Variants in FMN2 observed in about 807,000 individuals in gnomAD.
FMN2 encodes the protein formin-2.
Under a neutral mutation model 142.3 loss-of-function variants are expected in FMN2, and 51 were observed. The observed-to-expected ratio is 0.36, with a 90% confidence interval of 0.29 to 0.45. The LOEUF is 0.45. Ranked by LOEUF, FMN2 falls within the 20% of genes least tolerant of loss-of-function variation. FMN2 has a pLI of 1.00. For missense variants in FMN2, 1,936 were observed against 2,122.8 expected (o/e 0.91, Z 1.73); for synonymous variants, 882 against 869.8 (o/e 1.01, Z -0.25).
intron 8 of FMN2, among the ~76,000 whole-genome samples, chr1:240,313,236 T>G (rs868623868): frequency 1.3e-5 from 2 of 152,226 alleles, no homozygotes; most frequent in Admixed American, 6.5e-5. Flanking sequence ...TGCTTCCTTT[T>G]TCTCCCATCC....
chr1:240,328,331 T>C (rs1161231534), intron 8 of FMN2, among the ~76,000 whole-genome samples: 1 of 151,562 alleles, frequency 6.6e-6, no homozygotes, highest in African/African-American at 2.4e-5. Context: ...AAACCTTTAG[T>C]ATCAAATTAC....
intron 2 of FMN2, among the ~76,000 whole-genome samples, chr1:240,141,869 C>T (rs1663199270): frequency 6.6e-6 from 1 of 151,642 alleles, no homozygotes; most frequent in South Asian, 2.1e-4. Flanking sequence ...TGAGGGAAGT[C>T]CTCAGAAGTT....
At chr1:240,218,248 A>G (rs1423732922) in intron 6 of FMN2, among the ~76,000 whole-genome samples, 1 of 126,420 alleles carries the variant, frequency 7.9e-6, no homozygotes, top group African/African-American at 3.1e-5. Flanking sequence ...GCACCATTGC[A>G]CTCCAGCCTG....
At chr1:240,434,525 TG>T (rs1190303200) in intron 15 of FMN2, among the ~76,000 whole-genome samples, 3 of 109,272 alleles carry the variant, frequency 2.7e-5, no homozygotes, top group Non-Finnish European at 7.0e-5. Flanking sequence ...GTTATTTGCT[TG>T]TTTTTTTTTG....
intron 2 of FMN2, among the ~76,000 whole-genome samples, chr1:240,163,490 A>T (rs1558330591): frequency 6.6e-6 from 1 of 152,194 alleles, no homozygotes; most frequent in Non-Finnish European, 1.5e-5. Flanking sequence ...GCTGTAAATC[A>T]TTATCTGTTA....
Position 240,207,081 on chromosome 1 carries a change from C to G in FMN2, c.2269C>G (p.Leu757Val), listed in dbSNP as rs756840968. The G allele has an allele frequency of 1.2e-6, 2 of 1,614,004 alleles. No individual in the cohort carries two copies. Among genetic ancestry groups the G allele is most frequent in the Non-Finnish European group, 1.7e-6 (2 of 1,180,006 alleles). ...CACGGAAGAGGGCGGGGTGCTGACA[C>G]TGCCTCCTGTGGATGGGCTGCCAGG... ...SPTEEGGVLTLPPVDGLPGRP... is the reference protein window; with the variant it reads ...SPTEEGGVLTVPPVDGLPGRP... Residue 757 changes from leucine to valine, a missense_variant, in exon 5 of 18, where the codon CTG (leucine) becomes GTG (valine). By Grantham distance (32) the Leu-to-Val change is conservative. This residue lies in a region of FMN2 where 478 missense variants were observed against 462.8 expected (regional missense o/e 1.03). Transcript: ENST00000319653.
At chr1:240,175,693 C>T (rs1287006951) in intron 2 of FMN2, among the ~76,000 whole-genome samples, 2 of 146,512 alleles carry the variant, frequency 1.4e-5, no homozygotes, top group Admixed American at 6.7e-5. Context: ...GTTGCCCAGG[C>T]TGGTGCTTTA....
At chr1:240,277,773 G>C (rs4659567) in intron 7 of FMN2, among the ~76,000 whole-genome samples, 54,424 of 151,582 alleles carry the variant, frequency 0.36, 10,166 homozygotes, top group East Asian at 0.51. Context: ...GACCTCAAGT[G>C]ATCCGCCCGT....
rs901937040 is a variant in FMN2, at chr1:240,473,396, G to C, written c.5143-732G>C. Among the ~76,000 whole-genome samples the C allele has an allele frequency of 1.3e-5, 2 of 152,146 alleles. No individual in the cohort carries two copies. On this transcript the variant is annotated intron_variant, in intron 17 of 17. Transcript: ENST00000319653. The surrounding 1 kb of genome is among the most constrained non-coding windows in gnomAD (Gnocchi z 4.3). ...TGATACTGAGGATGTTTTGTTGACT[G>C]TTTTGAGGGATTATCACTTGGTACC...
chr1:240,130,842 C>T (rs971493322), intron 2 of FMN2, among the ~76,000 whole-genome samples: 1 of 148,774 alleles, frequency 6.7e-6, no homozygotes, highest in African/African-American at 2.5e-5. Context: ...TCTTTCTCTT[C>T]TAATTTAGGT....
intron 1 of FMN2, among the ~76,000 whole-genome samples, chr1:240,121,679 G>C (rs979353828): frequency 7.5e-6 from 1 of 134,182 alleles, no homozygotes; most frequent in Non-Finnish European, 1.5e-5. Context: ...GTGAGCCACC[G>C]CGCCTGGCCC....
At chr1:240,209,325 A>T (rs1042242380) in intron 5 of FMN2, among the ~76,000 whole-genome samples, 2 of 148,002 alleles carry the variant, frequency 1.4e-5, no homozygotes, top group Non-Finnish European at 3.0e-5. Context: ...GCCTCGGCCC[A>T]CTGCAAGCTC....
intron 14 of FMN2, among the ~76,000 whole-genome samples, chr1:240,384,867 G>T (rs1673359936): frequency 6.6e-6 from 1 of 152,060 alleles, no homozygotes. Flanking sequence ...TATATGTAAA[G>T]AATTAGAATA....
chr1:240,134,604 G>A (rs577253586), intron 2 of FMN2, among the ~76,000 whole-genome samples: 10 of 152,238 alleles, frequency 6.6e-5, no homozygotes, highest in African/African-American at 2.4e-4. Flanking sequence ...GGGCAATAGA[G>A]TGAGACCCTG....
chr1:240,182,986 G>A (rs1037764046), intron 3 of FMN2, among the ~76,000 whole-genome samples: 2 of 150,422 alleles, frequency 1.3e-5, no homozygotes, highest in African/African-American at 2.5e-5. Flanking sequence ...GCATGATCCC[G>A]GCTCACTGTA....
At chr1:240,143,913 A>G in intron 2 of FMN2, 1 of 1,549,296 alleles carries the variant, frequency 6.5e-7, no homozygotes, top group South Asian at 1.1e-5. Context: ...GAGCCAGCGT[A>G]GGCCAAGCCT....
intron 4 of FMN2, among the ~76,000 whole-genome samples, chr1:240,192,584 G>T (rs1308746297): frequency 6.6e-6 from 1 of 152,124 alleles, no homozygotes; most frequent in Non-Finnish European, 1.5e-5. Flanking sequence ...AGTCTTAAAG[G>T]AGATAGAGAG....
chr1:240,426,511 C>CT (rs1674940248), intron 15 of FMN2, among the ~76,000 whole-genome samples: 2 of 151,998 alleles, frequency 1.3e-5, no homozygotes, highest in South Asian at 4.1e-4. Context: ...AAATATTACT[C>CT]TATTATGGAA....
chr1:240,244,751 C>G (rs575851169), intron 6 of FMN2, among the ~76,000 whole-genome samples: 1 of 152,272 alleles, frequency 6.6e-6, no homozygotes, highest in East Asian at 1.9e-4. Flanking sequence ...GGGCCCTACT[C>G]TAGAGAAAAT....
Sources: allele counts gnomAD v4.1 joint callset (sites outside exome capture counted in the v4.1 genomes callset), GRCh38; gene constraint gnomAD v4.1.1; regional missense constraint gnomAD v4.1.1; non-coding constraint Gnocchi (gnomAD v3.1); transcripts MANE v1.5; gene names NCBI Gene and HGNC (gene_info 2026-07-23, HGNC 2026-07-21).